COXFA4: variants seen among roughly 807,000 people sequenced by gnomAD.
COXFA4 encodes the protein cytochrome c oxidase subunit FA4.
the COXFA4 span, chr7:10,933,645 T>C: frequency 1.2e-6 from 2 of 1,610,460 alleles, no homozygotes; most frequent in South Asian, 1.1e-5. Context: ...TTTAGAAATC[T>C]GGACGTTCCT....
chr7:10,939,561 G>A, the COXFA4 span: 1 of 182,530 alleles, frequency 5.5e-6, no homozygotes. Flanking sequence ...CAGACAAAGT[G>A]AGGATTCCAA....
the COXFA4 span, among the ~76,000 whole-genome samples, chr7:10,937,062 T>C: frequency 2.0e-5 from 3 of 151,682 alleles, no homozygotes; most frequent in Admixed American, 2.0e-4. Context: ...AAAACGTTGC[T>C]ATGAGTAATA....
the COXFA4 span, chr7:10,938,048 C>T: frequency 6.4e-7 from 1 of 1,563,398 alleles, no homozygotes; most frequent in Non-Finnish European, 8.8e-7. Flanking sequence ...AAACTTATTA[C>T]AACACAATTT....
chr7:10,936,019 T>C, the COXFA4 span, among the ~76,000 whole-genome samples: 3 of 152,128 alleles, frequency 2.0e-5, no homozygotes, highest in African/African-American at 7.2e-5. Flanking sequence ...CTCCAACTCA[T>C]AATTTCCCAC....
the COXFA4 span, chr7:10,938,149 T>G: frequency 6.2e-7 from 1 of 1,610,378 alleles, no homozygotes; most frequent in Non-Finnish European, 8.5e-7. Flanking sequence ...CTGTCCCAAC[T>G]AAAAGAAATA....
chr7:10,937,895 C>G, the COXFA4 span: 5 of 587,052 alleles, frequency 8.5e-6, no homozygotes, highest in Admixed American at 3.0e-5. Context: ...TTTTCTTATA[C>G]TAGCAATTAA....
the COXFA4 span, among the ~76,000 whole-genome samples, chr7:10,937,521 G>C: frequency 6.6e-6 from 1 of 152,086 alleles, no homozygotes; most frequent in African/African-American, 2.4e-5. Flanking sequence ...GATCTCAAGT[G>C]ATCTGCCCGC....
At chr7:10,938,326 AG>A in the COXFA4 span, 42 of 586,902 alleles carry the variant, frequency 7.2e-5, no homozygotes, top group Non-Finnish European at 1.2e-4. Flanking sequence ...GTAATCAATT[AG>A]AAAAAAGGTA....
chr7:10,938,694 T>C, the COXFA4 span: 1 of 777,948 alleles, frequency 1.3e-6, no homozygotes, highest in Non-Finnish European at 2.3e-6. Flanking sequence ...ACTTATTGTA[T>C]GACTGTAAAT....
At chr7:10,934,855 C>T in the COXFA4 span, among the ~76,000 whole-genome samples, 1 of 152,096 alleles carries the variant, frequency 6.6e-6, no homozygotes, top group Non-Finnish European at 1.5e-5. Context: ...TTTGTTCTGA[C>T]AGTGTTCTTT....
chr7:10,938,015 T>C, the COXFA4 span: 2 of 1,268,416 alleles, frequency 1.6e-6, no homozygotes, highest in Admixed American at 3.4e-5. Flanking sequence ...ATATCCAGTT[T>C]CAAGAAAACC....
the COXFA4 span, among the ~76,000 whole-genome samples, chr7:10,935,791 G>A: frequency 4.6e-5 from 7 of 152,274 alleles, no homozygotes; most frequent in African/African-American, 7.2e-5. Context: ...ATCTTGTTAC[G>A]GCAGCCCAAA....
the COXFA4 span, chr7:10,938,899 A>G: frequency 8.8e-5 from 141 of 1,608,314 alleles, no homozygotes; most frequent in Non-Finnish European, 7.6e-5. Flanking sequence ...GGGATCAACT[A>G]AACCAAACAC....
chr7:10,933,487 T>C, the COXFA4 span: 3 of 613,868 alleles, frequency 4.9e-6, no homozygotes, highest in South Asian at 2.1e-5. Flanking sequence ...ATTTAATCAT[T>C]GTAATCTCCA....
the COXFA4 span, chr7:10,933,511 T>C: frequency 1.4e-5 from 10 of 733,584 alleles, no homozygotes; most frequent in African/African-American, 7.0e-5. Flanking sequence ...GAGATTACAA[T>C]AGAGATCTCC....
the COXFA4 span, chr7:10,938,432 A>G: frequency 1.3e-5 from 6 of 459,642 alleles, no homozygotes; most frequent in East Asian, 1.8e-4. Context: ...AGTGCATAGA[A>G]TAATGATGAA....
chr7:10,932,883 T>C, the COXFA4 span: 1 of 150,882 alleles, frequency 6.6e-6, no homozygotes, highest in East Asian at 2.0e-4. Context: ...GGCAGGAGGA[T>C]CACTTAAGCC....
At chr7:10,938,919 T>A in the COXFA4 span, 2 of 1,569,392 alleles carry the variant, frequency 1.3e-6, no homozygotes, top group South Asian at 1.1e-5. Flanking sequence ...CAAAATAGAA[T>A]AACCATCTTC....
chr7:10,940,125 T>C, the COXFA4 span: 10 of 1,485,500 alleles, frequency 6.7e-6, no homozygotes, highest in Non-Finnish European at 9.4e-6. Context: ...AAGCTAAAAA[T>C]TATCTGCAAT....
Sources: allele counts gnomAD v4.1 joint callset (sites outside exome capture counted in the v4.1 genomes callset), GRCh38; gene constraint gnomAD v4.1.1; transcripts MANE v1.5; gene names NCBI Gene and HGNC (gene_info 2026-07-23, HGNC 2026-07-21).